The following LRP1B variants were observed in gnomAD, a reference collection of about 807,000 sequenced individuals.
LRP1B encodes LDL receptor related protein 1B, also known as low-density lipoprotein receptor-related protein 1B.
In LRP1B, 217 loss-of-function variants were observed where a neutral mutation model predicts 556.6. The ratio of observed to expected loss-of-function variants is 0.39; its 90% CI spans 0.35 to 0.44. The LOEUF (loss-of-function observed/expected upper bound fraction) is 0.44. Among genes scored for constraint, LRP1B ranks in the 20% least tolerant of loss-of-function variants. The probability of loss-of-function intolerance (pLI) is 1.00; values close to 1 mark genes in which losing one functional copy is unlikely to be tolerated. For synonymous variants in LRP1B, 2,047 were observed against 1,865.8 expected (o/e 1.10, Z -2.50); for missense variants, 5,053 against 5,620.8 (o/e 0.90, Z 3.23).
chr2:140,797,284 C>T (rs1430226579), intron 32 of LRP1B, among the ~76,000 whole-genome samples: 1 of 151,986 alleles, frequency 6.6e-6, no homozygotes. Flanking sequence ...ACCAATTTCT[C>T]CACAGCTAGA....
chr2:140,871,682 T>C (rs1046424302), intron 25 of LRP1B, among the ~76,000 whole-genome samples: 1 of 152,144 alleles, frequency 6.6e-6, no homozygotes, highest in African/African-American at 2.4e-5. Flanking sequence ...TTGACTACTA[T>C]AGGGGCTTTA....
At chr2:142,030,980 T>G in intron 1 of LRP1B, among the ~76,000 whole-genome samples, 1 of 151,936 alleles carries the variant, frequency 6.6e-6, no homozygotes, top group Admixed American at 6.6e-5. Context: ...TATAGACCTG[T>G]CAAAGACATT....
At chr2:141,302,344 T>C (rs963362060) in intron 3 of LRP1B, among the ~76,000 whole-genome samples, 2 of 152,072 alleles carry the variant, frequency 1.3e-5, no homozygotes, top group African/African-American at 4.8e-5. Flanking sequence ...ATGCTAAATA[T>C]TTTATTTTCT....
At chr2:141,850,080 A>G (rs538967910) in intron 1 of LRP1B, among the ~76,000 whole-genome samples, 2 of 151,890 alleles carry the variant, frequency 1.3e-5, no homozygotes, top group East Asian at 3.9e-4. Context: ...ACCTGGGTTT[A>G]CCTGACACCC....
intron 16 of LRP1B, among the ~76,000 whole-genome samples, chr2:140,991,776 T>G (rs1049455864): frequency 1.3e-5 from 2 of 152,078 alleles, no homozygotes; most frequent in Non-Finnish European, 2.9e-5. Flanking sequence ...TATGTTGAAT[T>G]CCTTAGACAG....
At chr2:141,383,586 T>C (rs1224668815) in intron 3 of LRP1B, among the ~76,000 whole-genome samples, 6 of 152,176 alleles carry the variant, frequency 3.9e-5, no homozygotes, top group Admixed American at 2.0e-4. Flanking sequence ...ATGTATTTAA[T>C]GCCTCAGTAT....
chr2:141,714,938 T>C (rs1371049828), intron 2 of LRP1B, among the ~76,000 whole-genome samples: 1 of 152,088 alleles, frequency 6.6e-6, no homozygotes, highest in Admixed American at 6.5e-5. Flanking sequence ...CAAGCTTGAA[T>C]AGAAAAAAAG....
intron 1 of LRP1B, among the ~76,000 whole-genome samples, chr2:141,885,908 T>C (rs1699097394): frequency 6.6e-6 from 1 of 152,182 alleles, no homozygotes; most frequent in Admixed American, 6.6e-5. Context: ...TGCAAGAAAC[T>C]GCCATTGATG....
intron 2 of LRP1B, among the ~76,000 whole-genome samples, chr2:141,756,510 A>G (rs1694323155): frequency 6.6e-6 from 1 of 151,034 alleles, no homozygotes; most frequent in Non-Finnish European, 1.5e-5. Flanking sequence ...AAAATATTTT[A>G]TTAACTCTTA....
intron 5 of LRP1B, among the ~76,000 whole-genome samples, chr2:141,239,380 C>T (rs913604344): frequency 6.6e-5 from 10 of 152,004 alleles, no homozygotes; most frequent in African/African-American, 1.4e-4. Context: ...AGGAACAACA[C>T]TCTGAGTTTT....
intron 1 of LRP1B, among the ~76,000 whole-genome samples, chr2:142,084,082 C>T (rs546293971): frequency 5.3e-5 from 8 of 151,460 alleles, no homozygotes; most frequent in Non-Finnish European, 1.0e-4. Context: ...TGGATTCAAG[C>T]GATTCTTGTG....
At chr2:141,811,447 A>T (rs1696354757) in intron 1 of LRP1B, among the ~76,000 whole-genome samples, 1 of 152,068 alleles carries the variant, frequency 6.6e-6, no homozygotes, top group Non-Finnish European at 1.5e-5. Flanking sequence ...AATATGGAAA[A>T]TAATACTATA....
intron 2 of LRP1B, among the ~76,000 whole-genome samples, chr2:141,546,488 A>G (rs556616507): frequency 6.6e-6 from 1 of 151,932 alleles, no homozygotes; most frequent in African/African-American, 2.4e-5. Flanking sequence ...TCCTCTATTC[A>G]TCTATTGTTC....
At chr2:141,169,746 G>A (rs1680417429) in intron 7 of LRP1B, among the ~76,000 whole-genome samples, 3 of 149,232 alleles carry the variant, frequency 2.0e-5, no homozygotes, top group South Asian at 2.1e-4. Flanking sequence ...ATATGAGAAC[G>A]GGTATACAAA....
chr2:140,239,598 G>A, intron 87 of LRP1B, 66 bp from the exon 88 acceptor site: 1 of 1,028,032 alleles, frequency 9.7e-7, no homozygotes, highest in South Asian at 1.4e-5. Flanking sequence ...ATAAAACTAA[G>A]TACTTTATTA....
chr2:140,339,924 T>G (rs1212052346), intron 77 of LRP1B, among the ~76,000 whole-genome samples: 1 of 151,632 alleles, frequency 6.6e-6, no homozygotes, highest in Admixed American at 6.6e-5. Context: ...ATCTGAGTAA[T>G]TTTAAGGCTG....
intron 6 of LRP1B, among the ~76,000 whole-genome samples, chr2:141,207,697 T>C (rs1311392082): frequency 1.3e-5 from 2 of 152,108 alleles, no homozygotes; most frequent in Non-Finnish European, 2.9e-5. Context: ...GTTTTTGAGA[T>C]GAAGTTTCAC....
chr2:142,095,754 T>A (rs1345403037), intron 1 of LRP1B, among the ~76,000 whole-genome samples: 1 of 151,760 alleles, frequency 6.6e-6, no homozygotes, highest in Non-Finnish European at 1.5e-5. Context: ...TAATGTTTAA[T>A]ATATGCAATG....
intron 2 of LRP1B, among the ~76,000 whole-genome samples, chr2:141,725,532 A>G (rs1692997628): frequency 6.6e-6 from 1 of 151,962 alleles, no homozygotes; most frequent in Non-Finnish European, 1.5e-5. Flanking sequence ...TAATAATAAA[A>G]TATTTTGAAT....
Sources: gnomAD v4.1 joint callset for allele counts (sites outside exome capture counted in the v4.1 genomes callset) on GRCh38, gnomAD v4.1.1 for gene constraint, MANE v1.5 for transcripts, NCBI Gene and HGNC (gene_info 2026-07-23, HGNC 2026-07-21) for gene names.